The following PEX39 variants were observed in gnomAD, a reference collection of about 807,000 sequenced individuals.
PEX39 encodes the protein peroxin-39.
At chr6:42,890,364 T>G in the PEX39 span, 6 of 948,178 alleles carry the variant, frequency 6.3e-6, no homozygotes, top group Non-Finnish European at 8.8e-6. Flanking sequence ...CCATGGTGGT[T>G]GCAGGAGCAA....
chr6:42,890,412 T>C, the PEX39 span: 1 of 1,411,248 alleles, frequency 7.1e-7, no homozygotes, highest in Non-Finnish European at 9.4e-7. Context: ...GCATAAAAGA[T>C]GAGTAACTGA....
chr6:42,890,629 G>A, the PEX39 span: 4 of 1,612,634 alleles, frequency 2.5e-6, no homozygotes, highest in Non-Finnish European at 3.4e-6. Flanking sequence ...CTCCGCGGCA[G>A]CCGGGACGCT....
chr6:42,890,571 G>A, the PEX39 span: 39 of 1,608,608 alleles, frequency 2.4e-5, no homozygotes, highest in African/African-American at 3.3e-4. Flanking sequence ...CCTGAGGGTC[G>A]GAGGGGGAAG....
chr6:42,890,324 A>G, the PEX39 span: 1 of 569,570 alleles, frequency 1.8e-6, no homozygotes, highest in Non-Finnish European at 2.9e-6. Context: ...CTTAACTGTA[A>G]CATGGTCCAC....
the PEX39 span, chr6:42,890,809 C>A: frequency 1.3e-6 from 2 of 1,552,864 alleles, no homozygotes. Context: ...GAATCCTGAC[C>A]GGCGTGTAAT....
At chr6:42,890,596 C>T in the PEX39 span, 5 of 1,611,618 alleles carry the variant, frequency 3.1e-6, no homozygotes, top group Admixed American at 6.7e-5. Flanking sequence ...TCAGCCAAAG[C>T]CGCGGCCTCC....
At chr6:42,890,489 GC>G in the PEX39 span, 3 of 1,523,082 alleles carry the variant, frequency 2.0e-6, no homozygotes, top group South Asian at 3.9e-5. Context: ...AACCTCAGGG[GC>G]CCACTGTATG....
the PEX39 span, chr6:42,890,559 A>C: frequency 6.2e-7 from 1 of 1,605,816 alleles, no homozygotes; most frequent in Non-Finnish European, 8.5e-7. Context: ...GGCCGTTCCT[A>C]TCCTGAGGGT....
At chr6:42,890,765 T>C in the PEX39 span, 429 of 1,599,250 alleles carry the variant, frequency 2.7e-4, no homozygotes, top group African/African-American at 6.2e-4. Flanking sequence ...GGGCCGAGCA[T>C]TGGGGACTGC....
chr6:42,890,653 G>T, the PEX39 span: 3 of 1,612,672 alleles, frequency 1.9e-6, no homozygotes, highest in African/African-American at 4.0e-5. Context: ...GGTTCGCCGT[G>T]GATCGCCGCG....
At chr6:42,890,534 G>C in the PEX39 span, 7 of 1,580,492 alleles carry the variant, frequency 4.4e-6, no homozygotes, top group African/African-American at 9.4e-5. Context: ...CCTCAACCAA[G>C]CCAGGCTCCG....
At chr6:42,890,642 G>A in the PEX39 span, 6 of 1,612,804 alleles carry the variant, frequency 3.7e-6, no homozygotes, top group East Asian at 2.2e-5. Flanking sequence ...GGGACGCTGT[G>A]GGTTCGCCGT....
At chr6:42,890,464 C>A in the PEX39 span, 1 of 1,497,448 alleles carries the variant, frequency 6.7e-7, no homozygotes, top group Non-Finnish European at 8.9e-7. Flanking sequence ...CAGATCGCCG[C>A]CGCAAAGGAC....
At chr6:42,890,575 G>A in the PEX39 span, 5 of 1,609,478 alleles carry the variant, frequency 3.1e-6, no homozygotes, top group African/African-American at 1.3e-5. Flanking sequence ...AGGGTCGGAG[G>A]GGGAAGGGAC....
chr6:42,890,496 G>A, the PEX39 span: 2 of 1,538,912 alleles, frequency 1.3e-6, no homozygotes, highest in Non-Finnish European at 1.8e-6. Context: ...GGGGCCCACT[G>A]TATGCCATGA....
At chr6:42,890,789 G>A in the PEX39 span, 65 of 1,567,906 alleles carry the variant, frequency 4.1e-5, no homozygotes, top group Admixed American at 7.5e-4. Flanking sequence ...GACGCTCCAT[G>A]TCGGGTCGCG....
At chr6:42,890,315 TTAACTG>T in the PEX39 span, 1 of 514,632 alleles carries the variant, frequency 1.9e-6, no homozygotes, top group Non-Finnish European at 3.2e-6. Context: ...AGGATTTTTC[TTAACTG>T]TAACATGGTC....
At chr6:42,890,379 A>T in the PEX39 span, 1 of 1,128,116 alleles carries the variant, frequency 8.9e-7, no homozygotes, top group Non-Finnish European at 1.2e-6. Context: ...GAGCAAGTCT[A>T]GTTGAGACAG....
the PEX39 span, chr6:42,890,410 G>A: frequency 2.3e-5 from 32 of 1,406,930 alleles, no homozygotes; most frequent in Admixed American, 5.4e-5. Context: ...AAGCATAAAA[G>A]ATGAGTAACT....
Sources: gnomAD v4.1 joint callset for allele counts on GRCh38, gnomAD v4.1.1 for gene constraint, MANE v1.5 for transcripts, NCBI Gene and HGNC (gene_info 2026-07-23, HGNC 2026-07-21) for gene names.